The following TENT2 variants were observed in gnomAD, a reference collection of about 807,000 sequenced individuals.
TENT2 encodes the protein poly(A) RNA polymerase GLD2.
In TENT2, 44 loss-of-function variants were observed where a neutral mutation model predicts 72.2. That is an observed-to-expected ratio of 0.61 (90% confidence interval 0.48 to 0.78). TENT2 has a LOEUF of 0.78. Among genes scored for constraint, TENT2 ranks in the 30% least tolerant of loss-of-function variants. The pLI is 0.00. For missense variants in TENT2, 541 were observed against 569.6 expected, an observed-to-expected ratio of 0.95 and a Z score of 0.51; for synonymous variants, 212 against 192.5, an observed-to-expected ratio of 1.10 and a Z score of -0.84.
rs538377068 is a variant in TENT2 at position 79,643,705 on chromosome 5, A to C, written c.751+795A>C. On this transcript the variant is annotated intron_variant, in intron 7 of 14. Transcript: ENST00000453514. ...TGCATTCTGAATTATTCTGTAAAAT[A>C]AAGAATAATTCATACCTACTTGAAT... Among the ~76,000 whole-genome samples the C allele has an allele frequency of 9.2e-5, 14 of 152,336 alleles. No individual in the cohort carries two copies. In the South Asian group the frequency reaches 2.9e-3, roughly 32 times the overall value.
chr5:79,615,273 A>G (rs1177650396), intron 1 of TENT2: 2 of 152,222 alleles, frequency 1.3e-5, no homozygotes, highest in Non-Finnish European at 2.9e-5. Context: ...GATGAAAACA[A>G]GGTGAGGCCT....
chr5:79,615,266 G>A (rs914418388), intron 1 of TENT2: 82 of 152,260 alleles, frequency 5.4e-4, no homozygotes, highest in African/African-American at 1.8e-3. Context: ...TGTAAGAGAT[G>A]AAAACAAGGT....
chr5:79,638,263 C>T (rs150659537), intron 4 of TENT2, among the ~76,000 whole-genome samples: 7 of 152,114 alleles, frequency 4.6e-5, no homozygotes, highest in Admixed American at 6.5e-5. Context: ...GTAGGATGTT[C>T]GGTGACATCC....
chr5:79,667,214 A>G (rs1163039134), intron 11 of TENT2, among the ~76,000 whole-genome samples: 1 of 152,238 alleles, frequency 6.6e-6, no homozygotes, highest in Non-Finnish European at 1.5e-5. Context: ...CTTCTGTTTT[A>G]GCATATTCAG....
At chr5:79,624,811 A>C (rs547957701) in intron 4 of TENT2, among the ~76,000 whole-genome samples, 37 of 152,306 alleles carry the variant, frequency 2.4e-4, no homozygotes, top group Non-Finnish European at 4.4e-4. Context: ...TCCTCAGCTG[A>C]TGAATTTCTG....
intron 11 of TENT2, among the ~76,000 whole-genome samples, chr5:79,661,508 G>A (rs1181636460): frequency 6.6e-6 from 1 of 152,110 alleles, no homozygotes; most frequent in Non-Finnish European, 1.5e-5. Context: ...TTGGTTCCAG[G>A]CCACCACAAT....
At chr5:79,618,305 C>T (rs1427902319) in intron 1 of TENT2, among the ~76,000 whole-genome samples, 2 of 152,172 alleles carry the variant, frequency 1.3e-5, no homozygotes, top group African/African-American at 4.8e-5. Flanking sequence ...TGGTTCACTA[C>T]AGCCTTGACC....
chr5:79,646,076 CAAAT>C (rs1467608228), intron 8 of TENT2, among the ~76,000 whole-genome samples: 2 of 152,244 alleles, frequency 1.3e-5, no homozygotes, highest in African/African-American at 4.8e-5. Context: ...ATACTGTAAA[CAAAT>C]AACCTTCTCA....
chr5:79,622,762 G>T (rs1445845593), intron 3 of TENT2, among the ~76,000 whole-genome samples: 1 of 152,086 alleles, frequency 6.6e-6, no homozygotes, highest in Admixed American at 6.5e-5. Flanking sequence ...GCTCATTTTT[G>T]AATTTCTTCG....
At position 79,684,113 on chromosome 5, in the gene TENT2, G is replaced by A. The variant is rs959133596; in HGVS notation, c.1381-1086G>A. 1.8e-4 allele frequency among the ~76,000 whole-genome samples: 28 copies of A among 152,008 alleles called. No individual in the cohort carries two copies. In the East Asian group the frequency reaches 1.9e-3, roughly 10 times the overall value. ...GTAAAACCAATACTTTTAGACAATCGAATAACTGACATGAGACTAGAATAC... is the reference window on the plus strand; with the variant it reads ...GTAAAACCAATACTTTTAGACAATCAAATAACTGACATGAGACTAGAATAC... On this transcript the variant is annotated intron_variant, in intron 14 of 14. Coordinates refer to ENST00000453514, the MANE Select transcript of TENT2 (RefSeq NM_001114394.3).
In TENT2 at chr5:79,687,342, T is replaced by G. The variant is rs1379144634; in HGVS notation, c.*2069T>G. ...TGAGTACTAAATTATTTTCTGTTTG[T>G]GTTGATCTGTCCATTTCTGTATATA... is the stretch of plus-strand genomic sequence containing the variant. On this transcript the variant is annotated 3_prime_UTR_variant, in exon 15 of 15. Coordinates refer to ENST00000453514, the MANE Select transcript of TENT2 (RefSeq NM_001114394.3). 6.6e-6 allele frequency among the ~76,000 whole-genome samples: 1 copy of G among 152,190 alleles called. No individual in the cohort carries two copies. Among genetic ancestry groups the G allele is most frequent in the Non-Finnish European group, 1.5e-5 (1 of 68,026 alleles).
intron 10 of TENT2, 56 bp downstream of exon 10, chr5:79,649,246 G>A (rs1791638072): frequency 4.0e-6 from 6 of 1,509,858 alleles, no homozygotes; most frequent in South Asian, 2.3e-5. Flanking sequence ...CTTTATTATG[G>A]TGTCTTCTCT....
chr5:79,643,634 C>T (rs1236809260), intron 7 of TENT2, among the ~76,000 whole-genome samples: 1 of 152,120 alleles, frequency 6.6e-6, no homozygotes, highest in East Asian at 1.9e-4. Flanking sequence ...GAATAACTTA[C>T]ATCTGTTCTA....
In TENT2 at chr5:79,685,674, AGTTT is replaced by A. The variant is rs1187738708; in HGVS notation, c.*405_*408del. 1 of 155,344 alleles carries A rather than the reference AGTTT, an allele frequency of 6.4e-6. No individual in the cohort carries two copies. The highest frequency in any genetic ancestry group is 2.4e-5 in the African/African-American group (1 of 41,478). The allele number at this position is 155,344 out of a possible 1,614,324, so 9.6% of individuals were successfully genotyped here. ...GCTTAAAGTATAACCTACGTTAGAT[AGTTT>A]GTTGTCAAAGTCTGTTCTAGTAAAG... is the stretch of plus-strand genomic sequence containing the variant. On this transcript the variant is annotated 3_prime_UTR_variant, in exon 15 of 15. Coordinates refer to ENST00000453514, the MANE Select transcript of TENT2 (RefSeq NM_001114394.3).
chr5:79,663,574 C>T (rs1472736093), intron 11 of TENT2, among the ~76,000 whole-genome samples: 1 of 152,106 alleles, frequency 6.6e-6, no homozygotes, highest in East Asian at 1.9e-4. Flanking sequence ...GAATTGCCTG[C>T]CAGTCAGTGG....
At chr5:79,645,875 T>A (rs1788487924) in intron 8 of TENT2, among the ~76,000 whole-genome samples, 1 of 152,138 alleles carries the variant, frequency 6.6e-6, no homozygotes, top group Admixed American at 6.5e-5. Context: ...TTGATCCTTA[T>A]CATTCATAGT....
intron 13 of TENT2, among the ~76,000 whole-genome samples, chr5:79,681,351 G>A (rs1821758057): frequency 6.6e-6 from 1 of 150,922 alleles, no homozygotes; most frequent in Non-Finnish European, 1.5e-5. Context: ...GTAGAGGTGG[G>A]GTTTCACCAT....
intron 4 of TENT2, among the ~76,000 whole-genome samples, chr5:79,639,564 T>G (rs1782815661): frequency 6.6e-6 from 1 of 151,784 alleles, no homozygotes; most frequent in South Asian, 2.1e-4. Flanking sequence ...TGAGGCACGA[T>G]AAGAGAGTGG....
chr5:79,623,546 T>G (rs1361152015), intron 4 of TENT2, 57 bp downstream of exon 4: 2 of 1,233,042 alleles, frequency 1.6e-6, no homozygotes, highest in Non-Finnish European at 2.2e-6. Context: ...AAATAATGTA[T>G]TAATCAAAAA....
Sources: allele counts gnomAD v4.1 joint callset (sites outside exome capture counted in the v4.1 genomes callset), GRCh38; gene constraint gnomAD v4.1.1; transcripts MANE v1.5; gene names NCBI Gene and HGNC (gene_info 2026-07-23, HGNC 2026-07-21).